The following VNN2 variants were observed in gnomAD, a reference collection of about 807,000 sequenced individuals.
VNN2 encodes the protein vanin 2.
A neutral mutation model predicts 43.0 loss-of-function variants in VNN2; 43 were observed. The observed-to-expected ratio is 1.00, with a 90% CI of 0.78 to 1.29. The LOEUF (loss-of-function observed/expected upper bound fraction) is 1.29. Ranked by LOEUF, VNN2 falls within the 50% of genes most tolerant of loss-of-function variation. The pLI, the probability that VNN2 is intolerant of heterozygous loss-of-function variation, is 0.00. For synonymous variants in VNN2, 230 were observed against 224.3 expected (o/e 1.03, Z -0.23); for missense variants, 652 against 619.7 (o/e 1.05, Z -0.55).
At chr6:132,759,886 A>G (rs776776476), upstream of VNN2, among the ~76,000 whole-genome samples, 8 of 152,240 alleles carry the variant, frequency 5.3e-5, no homozygotes, top group Non-Finnish European at 1.2e-4. Flanking sequence ...ATAGACTGTT[A>G]GTATATAACC....
chr6:132,744,674 A>G (rs1178145178), intron 6 of VNN2, among the ~76,000 whole-genome samples, 183 bp from the exon 7 acceptor site: 1 of 152,234 alleles, frequency 6.6e-6, no homozygotes, highest in Non-Finnish European at 1.5e-5. Flanking sequence ...GAGCAATTCA[A>G]GAGGGCCCAA....
In VNN2 at chr6:132,749,839, A is replaced by G. The variant is rs369127104; in HGVS notation, c.1227T>C (p.Thr409=). 137 of 1,613,954 alleles carry G rather than the reference A, an allele frequency of 8.5e-5. No homozygotes were observed. The highest frequency in any genetic ancestry group is 1.1e-4 in the Non-Finnish European group (130 of 1,179,974). The part of the protein sequence containing the change: ...WQVCTLLKCK[T]TNLTTCGRPV... Reference sequence around the variant, plus strand: ...GCCGTCCACAAGTTGTCAAATTAGTAGTTTTGCACTTCAGCAGTGTGCAGA... The same window carrying G: ...GCCGTCCACAAGTTGTCAAATTAGTGGTTTTGCACTTCAGCAGTGTGCAGA... Residue 409 remains threonine, a synonymous_variant, in exon 6 of 7, where the codon ACT becomes ACC. Coordinates refer to ENST00000326499, the MANE Select transcript of VNN2 (RefSeq NM_004665.6).
Position 132,744,320 on chromosome 6 carries a change from G to T in VNN2, c.1543C>A (p.Gln515Lys), listed in dbSNP as rs1379988313. The T allele has an allele frequency of 5.0e-6, 8 of 1,612,122 alleles. No homozygotes were observed. The highest frequency in any genetic ancestry group is 1.3e-5 in the African/African-American group (1 of 74,748). Reference protein sequence around the residue: ...IFILLMIIALQNIVML With the variant: ...IFILLMIIALKNIVML ...ACGCCCTATAACATTACAATATTTTGCAAAGCTATGATCATTAATAATATG... is the reference window on the plus strand; with the variant it reads ...ACGCCCTATAACATTACAATATTTTTCAAAGCTATGATCATTAATAATATG... Residue 515 changes from glutamine to lysine, a missense_variant, in exon 7 of 7, where the codon CAA becomes AAA. Gln to Lys is a moderately conservative substitution (Grantham distance 53). Transcript: ENST00000326499.
chr6:132,754,172 T>G (rs1780314675), intron 3 of VNN2, among the ~76,000 whole-genome samples: 1 of 152,096 alleles, frequency 6.6e-6, no homozygotes, highest in South Asian at 2.1e-4. Flanking sequence ...GCAGAATAGC[T>G]TCAAATGATT....
At chr6:132,751,013 G>GT in intron 5 of VNN2, 132 bp downstream of exon 5, 6 of 720,708 alleles carry the variant, frequency 8.3e-6, no homozygotes, top group African/African-American at 8.0e-5. Context: ...TGTGTGTGTT[G>GT]TGTGTGTGTG....
chr6:132,749,609 A>T, intron 6 of VNN2, 86 bp downstream of exon 6: 1 of 1,297,828 alleles, frequency 7.7e-7, no homozygotes, highest in Non-Finnish European at 1.0e-6. Flanking sequence ...ACACAGCAGA[A>T]GTTAACTGGC....
chr6:132,749,637 T>C (rs1312297343), intron 6 of VNN2, 58 bp downstream of exon 6: 6 of 1,499,934 alleles, frequency 4.0e-6, no homozygotes, highest in Non-Finnish European at 5.4e-6. Context: ...CTATAGCTTG[T>C]TTTACTTGAC....
At chr6:132,758,038 T>TCTTCTTCTTC, upstream of VNN2, 1 of 183,738 alleles carries the variant, frequency 5.4e-6, no homozygotes. Flanking sequence ...TTCTTCTTCT[T>TCTTCTTCTTC]CTTTTTTTTT....
chr6:132,758,041 T>TC (rs1554219567), upstream of VNN2: 1,272 of 245,854 alleles, frequency 5.2e-3, 1 homozygote, highest in African/African-American at 0.021. Context: ...TTCTTCTTCT[T>TC]TTTTTTTTTT....
intron 6 of VNN2, among the ~76,000 whole-genome samples, chr6:132,744,730 A>C (rs1779620735): frequency 1.3e-5 from 2 of 152,186 alleles, no homozygotes; most frequent in Non-Finnish European, 2.9e-5. Flanking sequence ...GGAAAGTCAA[A>C]ATCAGCAGCA....
chr6:132,750,381 T>G (rs557343377), intron 5 of VNN2, among the ~76,000 whole-genome samples: 19 of 151,990 alleles, frequency 1.3e-4, no homozygotes, highest in African/African-American at 4.6e-4. Flanking sequence ...GGTTCACACA[T>G]GTTATCCCAG....
chr6:132,744,906 C>A (rs1779627839), intron 6 of VNN2, among the ~76,000 whole-genome samples: 1 of 151,340 alleles, frequency 6.6e-6, no homozygotes, highest in South Asian at 2.1e-4. Context: ...CAGGTAAGTG[C>A]TAGGAGGTCT....
At chr6:132,758,023 TCTTCTTCTTCTTCTTC>T (rs771524526), upstream of VNN2, 22,036 of 168,856 alleles carry the variant, frequency 0.13, 2,963 homozygotes, top group African/African-American at 0.26. Flanking sequence ...TTCTTCTTCT[TCTTCTTCTTCTTCTTC>T]TTTTTTTTTT....
chr6:132,758,052 T>TA (rs1562254325), upstream of VNN2: 28 of 526,830 alleles, frequency 5.3e-5, 1 homozygote, highest in Non-Finnish European at 7.8e-5. Flanking sequence ...TTTTTTTTTT[T>TA]TTTTTTTTTT....
At position 132,752,518 on chromosome 6, in the gene VNN2, C is replaced by G. The variant is rs1407328146; in HGVS notation, c.769G>C (p.Gly257Arg). The change falls in exon 4 of 7, where the codon GGA (glycine) becomes CGA (arginine). Residue 257 changes from glycine to arginine, a missense_variant. Transcript: ENST00000326499. Reference protein sequence around the residue: ...AIEFHSAWAMGMGVNLLVANT... With the variant: ...AIEFHSAWAMRMGVNLLVANT... ...GCCACAAGAAGATTAACTCCCATTC[C>G]CATTGCCCAAGCTGAATGGAATTCA... 6.2e-7 allele frequency: 1 copy of G among 1,614,090 alleles called. No individual in the cohort carries two copies. The highest frequency in any genetic ancestry group is 1.1e-5 in the South Asian group (1 of 91,082).
At chr6:132,744,565 C>G in intron 6 of VNN2, 74 bp from the exon 7 acceptor site, 1 of 1,411,464 alleles carries the variant, frequency 7.1e-7, no homozygotes, top group Non-Finnish European at 9.5e-7. Flanking sequence ...CATTTTGAAA[C>G]CATCCTAGAT....
At chr6:132,750,319 AG>A (rs1184604677) in intron 5 of VNN2, among the ~76,000 whole-genome samples, 1 of 151,926 alleles carries the variant, frequency 6.6e-6, no homozygotes, top group African/African-American at 2.4e-5. Flanking sequence ...TTCTATAAAA[AG>A]TTTCATCTTT....
chr6:132,757,870 G>A lies in VNN2; in HGVS notation c.14C>T (p.Ser5Phe), dbSNP rs1780584844. The A allele has an allele frequency of 6.2e-7, 1 of 1,613,706 alleles. No homozygotes were observed. The highest frequency in any genetic ancestry group is 8.5e-7 in the Non-Finnish European group (1 of 1,179,734). The change falls in exon 1 of 7, where the codon TCT (serine) becomes TTT (phenylalanine). Residue 5 changes from serine (S) to phenylalanine (F), a missense_variant. Ser to Phe is a radical substitution (Grantham distance 155, BLOSUM62 -2). Coordinates refer to ENST00000326499, the MANE Select transcript of VNN2 (RefSeq NM_004665.6). ...AAAAACTGCCACAGAGATTGGAAAA[G>A]AGGAAGTGACCATGGCCAAGGTTTA... MVTS[S>F]FPISVAVFAL...
At chr6:132,760,037 C>T (rs116756421), upstream of VNN2, among the ~76,000 whole-genome samples, 1,410 of 152,284 alleles carry the variant, frequency 9.3e-3, 19 homozygotes, top group African/African-American at 0.03. Flanking sequence ...AGAGCTAGAG[C>T]GACAGAGCAG....
Sources: gnomAD v4.1 joint callset for allele counts (sites outside exome capture counted in the v4.1 genomes callset) on GRCh38, gnomAD v4.1.1 for gene constraint, MANE v1.5 for transcripts, NCBI Gene and HGNC (gene_info 2026-07-23, HGNC 2026-07-21) for gene names.